The following NDFIP2 variants were observed in gnomAD, a reference collection of about 807,000 sequenced individuals.
NDFIP2 encodes NEDD4 family-interacting protein 2.
In NDFIP2, 19 loss-of-function variants were observed where a neutral mutation model predicts 36.0. The ratio of observed to expected loss-of-function variants is 0.53; its 90% CI spans 0.37 to 0.77. The LOEUF (loss-of-function observed/expected upper bound fraction) is 0.77. Ranked by LOEUF, NDFIP2 falls within the 30% of genes least tolerant of loss-of-function variation. NDFIP2 has a pLI of 0.00. For synonymous variants in NDFIP2, 181 were observed against 167.7 expected (o/e 1.08, Z -0.61); for missense variants, 446 against 435.8 (o/e 1.02, Z -0.21).
intron 2 of NDFIP2, among the ~76,000 whole-genome samples, chr13:79,528,361 C>T (rs1874880873): frequency 6.6e-6 from 1 of 152,106 alleles, no homozygotes; most frequent in Admixed American, 6.6e-5. Flanking sequence ...GTGTTTTAAG[C>T]TGTGTTCTTA....
intron 2 of NDFIP2, among the ~76,000 whole-genome samples, chr13:79,522,395 T>C (rs956963163): frequency 2.0e-5 from 3 of 152,272 alleles, no homozygotes; most frequent in African/African-American, 7.2e-5. Context: ...GTTGTTTTCC[T>C]ACTGATGTTT....
chr13:79,538,064 CCA>C, intron 3 of NDFIP2, among the ~76,000 whole-genome samples: 1 of 152,136 alleles, frequency 6.6e-6, no homozygotes, highest in East Asian at 1.9e-4. Flanking sequence ...AGGGGTGATG[CCA>C]CACACTTTTA....
intron 1 of NDFIP2, among the ~76,000 whole-genome samples, chr13:79,507,310 G>T (rs1873908868): frequency 6.5e-5 from 1 of 15,302 alleles, no homozygotes; most frequent in African/African-American, 9.5e-4. Flanking sequence ...GTCTCGCTCT[G>T]TCGCCCAGGC....
At chr13:79,523,230 G>GT (rs1386569541) in intron 2 of NDFIP2, among the ~76,000 whole-genome samples, 1 of 151,906 alleles carries the variant, frequency 6.6e-6, no homozygotes, top group African/African-American at 2.4e-5. Flanking sequence ...TTTTGTTTTT[G>GT]TTTTTTTAAG....
chr13:79,539,987 C>T (rs1024180457), intron 4 of NDFIP2, among the ~76,000 whole-genome samples: 9 of 152,136 alleles, frequency 5.9e-5, no homozygotes, highest in South Asian at 4.1e-4. Flanking sequence ...TAAATTTATG[C>T]GTTGCAGCCA....
chr13:79,529,997 T>G (rs1379236643), intron 2 of NDFIP2, among the ~76,000 whole-genome samples: 2 of 152,204 alleles, frequency 1.3e-5, no homozygotes, highest in East Asian at 3.9e-4. Flanking sequence ...TGTACATATC[T>G]TAATTTAAAA....
chr13:79,537,175 T>A (rs1280899788), intron 3 of NDFIP2, among the ~76,000 whole-genome samples: 1 of 152,124 alleles, frequency 6.6e-6, no homozygotes, highest in Non-Finnish European at 1.5e-5. Context: ...TAGTGCAATC[T>A]CAGTTCAGTG....
chr13:79,543,343 C>T (rs1175704439), intron 4 of NDFIP2, among the ~76,000 whole-genome samples: 1 of 152,166 alleles, frequency 6.6e-6, no homozygotes, highest in Admixed American at 6.5e-5. Flanking sequence ...GTTGGCCAAA[C>T]TGACAAGAAA....
rs1057414415 is a variant in NDFIP2, at chr13:79,553,826, G to A, written c.*1313G>A. On this transcript the variant is annotated 3_prime_UTR_variant, in exon 8 of 8. Coordinates refer to ENST00000218652, the MANE Select transcript of NDFIP2 (RefSeq NM_019080.3). ...TTATGTCTCATCTGTTTTTCCTTTC[G>A]GTTATATCTTTGGTTTTGAATACCA... 6.6e-6 allele frequency: 1 copy of A among 151,330 alleles called. No homozygotes were observed. The highest frequency in any genetic ancestry group is 2.1e-4 in the South Asian group (1 of 4,814). 9.4% of individuals were successfully genotyped at this position (151,330 alleles called of 1,614,324 possible). A position where few individuals can be genotyped will look rare whatever the true frequency, so the allele number is the denominator to read the frequency against.
rs1229673695 is a variant in NDFIP2 at position 79,481,472 on chromosome 13, C to G, written c.269C>G (p.Pro90Arg). The G allele has an allele frequency of 8.3e-5, 129 of 1,562,638 alleles. No individual in the cohort carries two copies. Among genetic ancestry groups the G allele is most frequent in the Non-Finnish European group, 1.1e-4 (127 of 1,153,062 alleles). The part of the protein sequence containing the change: ...GEDSLSRKPD[P>R]EPGRMDHHQP... Reference sequence around the variant, plus strand: ...GACTCCCTCTCTCGGAAGCCGGATCCCGAGCCGGGCAGGATGGATCACCAC... The same window carrying G: ...GACTCCCTCTCTCGGAAGCCGGATCGCGAGCCGGGCAGGATGGATCACCAC... Residue 90 changes from proline (P) to arginine (R), a missense_variant, in exon 1 of 8, where the codon CCC becomes CGC. Around this residue, in one of 2 missense-constraint regions of NDFIP2, gnomAD observed 369 missense variants for 304.8 expected, o/e 1.21. Transcript: ENST00000218652.
At chr13:79,534,350 GTTTTTT>G (rs532659161) in intron 3 of NDFIP2, among the ~76,000 whole-genome samples, 4 of 95,418 alleles carry the variant, frequency 4.2e-5, no homozygotes, top group African/African-American at 1.2e-4. Flanking sequence ...TTTGTCAGCT[GTTTTTT>G]TTTTTTTTTT....
intron 2 of NDFIP2, among the ~76,000 whole-genome samples, chr13:79,521,601 C>T (rs922212915): frequency 6.6e-6 from 1 of 152,028 alleles, no homozygotes; most frequent in Non-Finnish European, 1.5e-5. Flanking sequence ...AAATTTTTCA[C>T]TAGAACTTTT....
intron 5 of NDFIP2, 62 bp from the exon 6 acceptor site, chr13:79,548,266 A>T: frequency 8.4e-7 from 1 of 1,184,034 alleles, no homozygotes; most frequent in Non-Finnish European, 1.2e-6. Flanking sequence ...AACTGAAGAT[A>T]ATTTATGATT....
At chr13:79,516,611 A>G (rs767175491) in intron 1 of NDFIP2, among the ~76,000 whole-genome samples, 9 of 152,188 alleles carry the variant, frequency 5.9e-5, no homozygotes, top group Admixed American at 2.0e-4. Flanking sequence ...ATATGATAGT[A>G]TACATATTCA....
At chr13:79,487,453 G>T (rs74098262) in intron 1 of NDFIP2, among the ~76,000 whole-genome samples, 6,552 of 152,212 alleles carry the variant, frequency 0.043, 491 homozygotes, top group African/African-American at 0.15. Context: ...TTCTTTTGCT[G>T]TTATGAGTAA....
intron 4 of NDFIP2, among the ~76,000 whole-genome samples, chr13:79,540,274 A>C (rs935745139): frequency 2.0e-5 from 3 of 152,204 alleles, no homozygotes; most frequent in Admixed American, 6.5e-5. Flanking sequence ...AAGTAGTTAG[A>C]AGATCAGAAA....
At chr13:79,498,143 G>A (rs1873520589) in intron 1 of NDFIP2, among the ~76,000 whole-genome samples, 1 of 151,756 alleles carries the variant, frequency 6.6e-6, no homozygotes, top group Admixed American at 6.6e-5. Flanking sequence ...TTTTATTGGA[G>A]GCATCTTAAA....
At chr13:79,520,286 G>A (rs1404131839) in intron 1 of NDFIP2, among the ~76,000 whole-genome samples, 1 of 152,196 alleles carries the variant, frequency 6.6e-6, no homozygotes, top group African/African-American at 2.4e-5. Context: ...TTGTGGCTAT[G>A]TTATTAGGAT....
At chr13:79,548,251 T>C in intron 5 of NDFIP2, 77 bp from the exon 6 acceptor site, 3 of 1,102,194 alleles carry the variant, frequency 2.7e-6, no homozygotes, top group Non-Finnish European at 4.0e-6. Flanking sequence ...AGTAAATCAT[T>C]ATGAAACTGA....
Sources: gnomAD v4.1 joint callset for allele counts (sites outside exome capture counted in the v4.1 genomes callset) on GRCh38, gnomAD v4.1.1 for gene constraint, gnomAD v4.1.1 regional missense constraint, MANE v1.5 for transcripts, NCBI Gene and HGNC (gene_info 2026-07-23, HGNC 2026-07-21) for gene names.